Variants in TNNT3 observed in about 807,000 individuals in gnomAD.
The protein encoded by TNNT3 is troponin T3, fast skeletal type.
TNNT3 carries 36 observed loss-of-function variants against 54.2 expected under a neutral mutation model. The observed-to-expected ratio is 0.66, with a 90% CI of 0.51 to 0.88. The LOEUF (loss-of-function observed/expected upper bound fraction) is 0.88, where lower values mean the gene tolerates loss of function less well. Among genes scored for constraint, TNNT3 ranks in the 40% least tolerant of loss-of-function variants. The probability of loss-of-function intolerance (pLI) is 0.00; values close to 1 mark genes in which losing one functional copy is unlikely to be tolerated. For missense variants in TNNT3, 291 were observed against 331.6 expected (o/e 0.88, Z 0.95); for synonymous variants, 120 against 109.7 (o/e 1.09, Z -0.59).
intron 1 of TNNT3, 22 bp from the exon 2 acceptor site, chr11:1,922,834 TC>T: frequency 6.2e-7 from 1 of 1,607,556 alleles, no homozygotes; most frequent in Non-Finnish European, 8.5e-7. Flanking sequence ...TCTCTCTCTC[TC>T]TCTCTGAATC....
At chr11:1,936,845 G>C in intron 14 of TNNT3, 118 bp from the exon 15 acceptor site, 1 of 1,042,664 alleles carries the variant, frequency 9.6e-7, no homozygotes. Flanking sequence ...CCCTCATGGG[G>C]GCCCAGCAGC....
chr11:1,926,658 T>C (rs78233868), intron 5 of TNNT3, 37 bp from the exon 6 acceptor site: 1 of 1,613,116 alleles, frequency 6.2e-7, no homozygotes, highest in South Asian at 1.1e-5. Flanking sequence ...CCTCTCTCTC[T>C]CCCGCCCTTT....
intron 2 of TNNT3, 31 bp from the exon 3 acceptor site, chr11:1,923,017 C>G: frequency 6.2e-7 from 1 of 1,613,860 alleles, no homozygotes; most frequent in Non-Finnish European, 8.5e-7. Context: ...ACCTCTCTCT[C>G]TTTCTTTCTC....
intron 14 of TNNT3, chr11:1,936,324 T>G: frequency 6.4e-7 from 1 of 1,555,586 alleles, no homozygotes; most frequent in Non-Finnish European, 8.9e-7. Flanking sequence ...ACCTCTCGCA[T>G]GGCAAAAACC....
At chr11:1,923,753 A>T (rs1422519463) in intron 4 of TNNT3, among the ~76,000 whole-genome samples, 181 bp downstream of exon 4, 1 of 152,100 alleles carries the variant, frequency 6.6e-6, no homozygotes, top group Non-Finnish European at 1.5e-5. Context: ...TTAATTAATG[A>T]TAAATGAGGC....
intron 1 of TNNT3, among the ~76,000 whole-genome samples, chr11:1,921,002 AC>A (rs1424880791): frequency 6.6e-6 from 1 of 151,960 alleles, no homozygotes; most frequent in Non-Finnish European, 1.5e-5. Context: ...CCTGGAGGTC[AC>A]CCTGCCTGAG....
intron 14 of TNNT3, 81 bp from the exon 15 acceptor site, chr11:1,936,873 AGCCCACCCT>A: frequency 3.6e-6 from 5 of 1,407,610 alleles, no homozygotes; most frequent in Non-Finnish European, 4.9e-6. Flanking sequence ...CGCGCAGCCC[AGCCCACCCT>A]GCGGTGGAGA....
rs200704716 is a variant in TNNT3 at position 1,933,777 on chromosome 11, C to T, written c.228C>T (p.Asp76=). Residue 76 remains aspartate, a synonymous_variant, in exon 10 of 16, where the codon GAC becomes GAT. Coordinates refer to ENST00000278317, the MANE Select transcript of TNNT3 (RefSeq NM_006757.4). ...TAATGGAGCTCCAGGCCCTCATCGA[C>T]AGCCACTTTGAAGCCCGGAAGAAGG... is the stretch of plus-strand genomic sequence containing the variant. ...KDLMELQALI[D]SHFEARKKEE... 59 of 1,612,984 alleles carry T rather than the reference C, an allele frequency of 3.7e-5. No homozygotes were observed. The East Asian group carries it at 8.2e-4, about 23-fold the overall frequency.
chr11:1,921,854 T>G (rs1297356330), intron 1 of TNNT3, among the ~76,000 whole-genome samples: 1 of 152,182 alleles, frequency 6.6e-6, no homozygotes, highest in Admixed American at 6.5e-5. Flanking sequence ...GTGCAGCTGC[T>G]CAGAGCCTCC....
chr11:1,926,678 T>C lies in TNNT3; in HGVS notation c.68-17T>C. On this transcript the variant is annotated splice_polypyrimidine_tract_variant and intron_variant, in intron 5 of 15. Coordinates refer to ENST00000278317, the MANE Select transcript of TNNT3 (RefSeq NM_006757.4). ...CTCTCTCCCGCCCTTTCTGCCACCA[T>C]GACGCTGCTTCTGCAGAGGAAGTTC... 6.2e-7 allele frequency: 1 copy of C among 1,613,504 alleles called. No individual in the cohort carries two copies. The highest frequency in any genetic ancestry group is 1.6e-4 in the Middle Eastern group (1 of 6,062).
At chr11:1,924,309 C>A (rs755596212) in intron 4 of TNNT3, among the ~76,000 whole-genome samples, 7 of 152,176 alleles carry the variant, frequency 4.6e-5, no homozygotes, top group Non-Finnish European at 1.0e-4. Flanking sequence ...TCCATCGTGC[C>A]CGGGCAGGCG....
Position 1,938,418 on chromosome 11 carries a change from C to T in TNNT3, c.723-20C>T. On this transcript the variant is annotated intron_variant, in intron 15 of 15. Transcript: ENST00000278317. ...GCCAGAGGCCCTGACCCTGAAGGAT[C>T]ACTTGCTTCCCATTTGCAGCAGCAA... is the stretch of plus-strand genomic sequence containing the variant. 1 of 1,612,962 alleles carries T rather than the reference C, an allele frequency of 6.2e-7. No individual in the cohort carries two copies. Among genetic ancestry groups the T allele is most frequent in the Non-Finnish European group, 8.5e-7 (1 of 1,179,756 alleles).
At chr11:1,934,973 G>A in intron 14 of TNNT3, 54 bp downstream of exon 14, 2 of 1,541,508 alleles carry the variant, frequency 1.3e-6, no homozygotes, top group Non-Finnish European at 1.8e-6. Context: ...CCCACCAGCA[G>A]AGCAGCCATC....
chr11:1,920,034 C>A (rs567753917), intron 1 of TNNT3, among the ~76,000 whole-genome samples: 2 of 152,244 alleles, frequency 1.3e-5, no homozygotes, highest in Admixed American at 6.5e-5. Flanking sequence ...CAGGAGGGGG[C>A]AAGTCGGGGC....
intron 3 of TNNT3, among the ~76,000 whole-genome samples, chr11:1,923,348 C>T (rs963337780): frequency 3.9e-5 from 6 of 152,070 alleles, no homozygotes; most frequent in South Asian, 4.1e-4. Context: ...CCAGGACCCC[C>T]GAGCCCCCCA....
At chr11:1,937,050 T>G (rs753755352) in intron 15 of TNNT3, 47 bp downstream of exon 15, 2 of 1,552,260 alleles carry the variant, frequency 1.3e-6, no homozygotes, top group Admixed American at 1.9e-5. Context: ...CAGGGGCCCT[T>G]GGGGCCAGCC....
intron 14 of TNNT3, chr11:1,936,300 G>A: frequency 6.2e-7 from 1 of 1,604,360 alleles, no homozygotes; most frequent in Non-Finnish European, 8.5e-7. Context: ...GGTGTGCGTT[G>A]CACGGTGAGG....
At chr11:1,937,119 G>A (rs1855344401) in intron 15 of TNNT3, 116 bp downstream of exon 15, 1 of 1,171,050 alleles carries the variant, frequency 8.5e-7, no homozygotes, top group East Asian at 2.5e-5. Flanking sequence ...GCAGTAACGA[G>A]ACTAACCCGG....
intron 2 of TNNT3, 66 bp downstream of exon 2, chr11:1,922,957 G>A (rs1044819720): frequency 1.2e-6 from 2 of 1,613,554 alleles, no homozygotes; most frequent in Admixed American, 1.7e-5. Context: ...CTTCTGTGGG[G>A]CTGGAGCATG....
Sources: allele counts gnomAD v4.1 joint callset (sites outside exome capture counted in the v4.1 genomes callset), GRCh38; gene constraint gnomAD v4.1.1; transcripts MANE v1.5; gene names NCBI Gene and HGNC (gene_info 2026-07-23, HGNC 2026-07-21).